The following SWT1 variants were observed in gnomAD, a reference collection of about 807,000 sequenced individuals.
The protein encoded by SWT1 is SWT1 RNA endoribonuclease homolog, also known as transcriptional protein SWT1.
In SWT1, 33 loss-of-function variants were observed where a neutral mutation model predicts 107.3. The observed-to-expected ratio is 0.31, with a 90% CI of 0.23 to 0.41. The LOEUF (loss-of-function observed/expected upper bound fraction) is 0.41, where lower values mean the gene tolerates loss of function less well. SWT1 is among the 10% of genes least tolerant of loss of function. The pLI is 1.00. For missense variants in SWT1, 898 were observed against 1,028.9 expected, an observed-to-expected ratio of 0.87 and a Z score of 1.74; for synonymous variants, 345 against 348.3, an observed-to-expected ratio of 0.99 and a Z score of 0.11.
chr1:185,164,576 C>T (rs1168360278), intron 2 of SWT1, among the ~76,000 whole-genome samples: 1 of 152,212 alleles, frequency 6.6e-6, no homozygotes, highest in African/African-American at 2.4e-5. Flanking sequence ...TCTATGTTAG[C>T]ATTTGCTGTT....
chr1:185,249,328 C>A (rs1661841805), intron 16 of SWT1, among the ~76,000 whole-genome samples: 1 of 151,952 alleles, frequency 6.6e-6, no homozygotes, highest in Admixed American at 6.6e-5. Flanking sequence ...GAGGGGCCTG[C>A]CTGTTGATAG....
At chr1:185,160,166 G>A (rs1396446608) in intron 1 of SWT1, among the ~76,000 whole-genome samples, 3 of 152,178 alleles carry the variant, frequency 2.0e-5, no homozygotes, top group African/African-American at 7.2e-5. Context: ...GGTATTTTGG[G>A]AAAATGAAAC....
intron 15 of SWT1, among the ~76,000 whole-genome samples, chr1:185,227,964 A>G (rs1274565112): frequency 6.6e-6 from 1 of 151,272 alleles, no homozygotes. Context: ...AGTGGCATGC[A>G]CCTGTGGTCC....
intron 6 of SWT1, 99 bp from the exon 7 acceptor site, chr1:185,181,847 A>G (rs1571434057): frequency 7.5e-7 from 1 of 1,330,972 alleles, no homozygotes; most frequent in Non-Finnish European, 1.0e-6. Context: ...TTCTTTCCAT[A>G]AACCATCTCA....
chr1:185,266,218 C>G (rs1055791968), intron 16 of SWT1, among the ~76,000 whole-genome samples: 3 of 147,590 alleles, frequency 2.0e-5, no homozygotes, highest in Non-Finnish European at 3.1e-5. Flanking sequence ...CGCCCGCCAC[C>G]ACGCCCAGCT....
In SWT1 at chr1:185,182,050, C is replaced by G. The variant is rs775992428; in HGVS notation, c.1131C>G (p.Ser377=). The G allele has an allele frequency of 5.0e-6, 8 of 1,613,528 alleles. No homozygotes were observed. The African/African-American group carries it at 9.3e-5, about 19-fold the overall frequency. The change falls in exon 7 of 19, where the codon TCC becomes TCG. Residue 377 remains serine (S), a synonymous_variant. Transcript: ENST00000367500. ...MEIDLEDDVH[S]SSANNTSDRK... ...TTGACTTAGAAGATGATGTACATTC[C>G]TCCTCTGGTATACCCTATATGTTGA...
At chr1:185,287,317 T>C (rs1445961988) in intron 18 of SWT1, among the ~76,000 whole-genome samples, 1 of 152,182 alleles carries the variant, frequency 6.6e-6, no homozygotes, top group Admixed American at 6.5e-5. Flanking sequence ...TAGGAAAATC[T>C]AGAGAAATAG....
At chr1:185,240,072 A>G (rs1661159880) in intron 16 of SWT1, among the ~76,000 whole-genome samples, 1 of 152,064 alleles carries the variant, frequency 6.6e-6, no homozygotes, top group African/African-American at 2.4e-5. Flanking sequence ...CAAAGCAACA[A>G]TACAAGTGTT....
At chr1:185,213,152 A>G (rs2102494864) in intron 13 of SWT1, among the ~76,000 whole-genome samples, 1 of 152,312 alleles carries the variant, frequency 6.6e-6, no homozygotes, top group Non-Finnish European at 1.5e-5. Context: ...TGTAAGACAG[A>G]AATAAAATGA....
At chr1:185,243,131 C>T (rs1356585442) in intron 16 of SWT1, among the ~76,000 whole-genome samples, 2 of 152,122 alleles carry the variant, frequency 1.3e-5, no homozygotes, top group Admixed American at 6.5e-5. Context: ...TGTTTTGAAA[C>T]AGGGTTTCAC....
intron 7 of SWT1, among the ~76,000 whole-genome samples, chr1:185,182,886 AG>A (rs1363218007): frequency 6.6e-6 from 1 of 152,150 alleles, no homozygotes; most frequent in African/African-American, 2.4e-5. Context: ...CTGTAATCCC[AG>A]CACTTTGGGA....
intron 11 of SWT1, among the ~76,000 whole-genome samples, chr1:185,203,020 T>G (rs766786552): frequency 1.3e-5 from 2 of 152,230 alleles, no homozygotes; most frequent in Non-Finnish European, 2.9e-5. Context: ...TTTTACAAAT[T>G]AATTTGATGT....
At chr1:185,258,159 T>G (rs1362206433) in intron 16 of SWT1, 1 of 152,150 alleles carries the variant, frequency 6.6e-6, no homozygotes, top group Admixed American at 6.5e-5. Flanking sequence ...TATTTCATTA[T>G]TATTGTTATT....
intron 10 of SWT1, among the ~76,000 whole-genome samples, chr1:185,200,892 G>A (rs896254327): frequency 2.0e-5 from 3 of 152,190 alleles, no homozygotes; most frequent in African/African-American, 7.2e-5. Flanking sequence ...GGAGATAGGA[G>A]TTTTATCTAC....
At chr1:185,214,883 A>G (rs759168117) in intron 14 of SWT1, among the ~76,000 whole-genome samples, 10 of 152,120 alleles carry the variant, frequency 6.6e-5, no homozygotes, top group Non-Finnish European at 1.2e-4. Flanking sequence ...TTCTTATTTT[A>G]TATTATTTTC....
At chr1:185,273,397 T>C (rs998597745) in intron 17 of SWT1, among the ~76,000 whole-genome samples, 6 of 151,230 alleles carry the variant, frequency 4.0e-5, no homozygotes, top group Admixed American at 6.6e-5. Flanking sequence ...AGAGTGAGAC[T>C]CTGTCTCAAA....
intron 9 of SWT1, among the ~76,000 whole-genome samples, chr1:185,187,363 T>C (rs1053195142): frequency 5.3e-5 from 8 of 152,098 alleles, no homozygotes; most frequent in Admixed American, 4.6e-4. Flanking sequence ...AATAAAGTTA[T>C]ATATTTTTTA....
At chr1:185,167,763 T>A (rs973531445) in intron 3 of SWT1, among the ~76,000 whole-genome samples, 2 of 152,208 alleles carry the variant, frequency 1.3e-5, no homozygotes, top group African/African-American at 4.8e-5. Context: ...ATACCAGTTA[T>A]CCTCAGTTTC....
chr1:185,256,914 A>T (rs1662583543), intron 16 of SWT1, among the ~76,000 whole-genome samples: 1 of 151,594 alleles, frequency 6.6e-6, no homozygotes, highest in South Asian at 2.1e-4. Flanking sequence ...TTGTGGTTTT[A>T]TTTACTTTTG....
Sources: allele counts gnomAD v4.1 joint callset (sites outside exome capture counted in the v4.1 genomes callset), GRCh38; gene constraint gnomAD v4.1.1; transcripts MANE v1.5; gene names NCBI Gene and HGNC (gene_info 2026-07-23, HGNC 2026-07-21).